Variants in SORBS2 observed in about 807,000 individuals in gnomAD.
SORBS2 encodes sorbin and SH3 domain containing 2, also known as sorbin and SH3 domain-containing protein 2.
SORBS2 carries 46 observed loss-of-function variants against 97.7 expected under a neutral mutation model. The observed-to-expected ratio is 0.47, with a 90% CI of 0.37 to 0.60. SORBS2 has a LOEUF of 0.60. Among genes scored for constraint, SORBS2 ranks in the 20% least tolerant of loss-of-function variants. The pLI, the probability that SORBS2 is intolerant of heterozygous loss-of-function variation, is 0.00. For missense variants in SORBS2, 1,316 were observed against 1,282.3 expected (o/e 1.03, Z -0.40); for synonymous variants, 476 against 473.4 (o/e 1.01, Z -0.07).
chr4:185,920,475 C>T (rs1200830870), intron 1 of SORBS2, among the ~76,000 whole-genome samples: 2 of 152,166 alleles, frequency 1.3e-5, no homozygotes, highest in Admixed American at 1.3e-4. Context: ...ACAGATCCTG[C>T]TTCATCTTGC....
At chr4:185,895,011 C>A (rs2099244330) in intron 1 of SORBS2, among the ~76,000 whole-genome samples, 1 of 152,188 alleles carries the variant, frequency 6.6e-6, no homozygotes, top group African/African-American at 2.4e-5. Flanking sequence ...GTTTTAATGA[C>A]CCCTTCATCT....
exon 7 of SORBS2, chr4:185,622,940 T>C: frequency 6.2e-7 from 1 of 1,612,406 alleles, no homozygotes; most frequent in Non-Finnish European, 8.5e-7. Context: ...ACGGTCTTGG[T>C]GGTGGCAGCT....
At chr4:185,765,788 T>A (rs1381463647) in intron 2 of SORBS2, among the ~76,000 whole-genome samples, 3 of 152,250 alleles carry the variant, frequency 2.0e-5, no homozygotes, top group African/African-American at 7.2e-5. Flanking sequence ...ATTTTATTAC[T>A]TTTTCCACAT....
In SORBS2 at chr4:185,864,499, C is replaced by A. The variant is rs115262971; in HGVS notation, c.-337-89133G>T. ...ACTATTACATTTGAAGATTTGAAAT[C>A]ATCACCACTATCACTATATTTGCTT... On this transcript the variant is annotated intron_variant, in intron 1 of 20. Transcript: ENST00000284776. Among the ~76,000 whole-genome samples the A allele has an allele frequency of 5.1e-3, 774 of 152,316 alleles. 7 individuals are homozygous for A. The highest frequency in any genetic ancestry group is 0.018 in the African/African-American group (736 of 41,570).
chr4:185,834,276 G>A (rs545299677), intron 1 of SORBS2, among the ~76,000 whole-genome samples: 1 of 152,154 alleles, frequency 6.6e-6, no homozygotes, highest in African/African-American at 2.4e-5. Context: ...ATCCGCCCCC[G>A]TGAGCCAATT....
chr4:185,858,908 AAC>A (rs2099222172), intron 1 of SORBS2, among the ~76,000 whole-genome samples: 1 of 152,246 alleles, frequency 6.6e-6, no homozygotes, highest in African/African-American at 2.4e-5. Context: ...GGAGATTTGC[AAC>A]AGTCTCTATT....
intron 1 of SORBS2, among the ~76,000 whole-genome samples, chr4:185,872,071 A>T (rs2099230720): frequency 6.6e-6 from 1 of 152,236 alleles, no homozygotes; most frequent in Non-Finnish European, 1.5e-5. Flanking sequence ...GTGTTATATT[A>T]AAAAATACAA....
intron 1 of SORBS2, among the ~76,000 whole-genome samples, chr4:185,653,898 C>A (rs2097354002): frequency 1.3e-5 from 2 of 152,120 alleles, no homozygotes; most frequent in African/African-American, 4.8e-5. Flanking sequence ...AGACAGATCT[C>A]GATTTAAAAA....
chr4:185,882,360 A>T (rs1356257786), intron 1 of SORBS2, among the ~76,000 whole-genome samples: 1 of 152,196 alleles, frequency 6.6e-6, no homozygotes, highest in Non-Finnish European at 1.5e-5. Flanking sequence ...TGAAAACAAA[A>T]TTCTTAGTAA....
chr4:185,657,119 C>T, upstream of SORBS2: 1 of 309,784 alleles, frequency 3.2e-6, no homozygotes, highest in Non-Finnish European at 5.4e-6. Flanking sequence ...CCTAAGCCTC[C>T]TTGGTAAAAG....
chr4:185,680,944 G>T (rs1381367035), intron 2 of SORBS2, among the ~76,000 whole-genome samples: 1 of 152,092 alleles, frequency 6.6e-6, no homozygotes, highest in African/African-American at 2.4e-5. Context: ...TGGGACACTG[G>T]GCCCAGGGAT....
At chr4:185,611,142 A>T (rs2096531462) in intron 12 of SORBS2, among the ~76,000 whole-genome samples, 1 of 152,118 alleles carries the variant, frequency 6.6e-6, no homozygotes, top group Admixed American at 6.5e-5. Flanking sequence ...AAACTTGAGG[A>T]CTTATAATAA....
chr4:185,819,820 T>C lies in SORBS2; in HGVS notation c.-337-44454A>G, dbSNP rs574172715. Among the ~76,000 whole-genome samples the C allele has an allele frequency of 2.0e-5, 3 of 152,320 alleles. No individual in the cohort carries two copies. In the South Asian group the frequency reaches 6.2e-4, roughly 32 times the overall value. On this transcript the variant is annotated intron_variant, in intron 1 of 20. Transcript: ENST00000284776. ...AAAGCATTGCCATCTCTCCTTATAC[T>C]GGTTTCATATCAATATCTCAAAGTA...
intron 1 of SORBS2, among the ~76,000 whole-genome samples, chr4:185,887,237 T>C (rs1266647997): frequency 8.5e-5 from 13 of 152,198 alleles, no homozygotes; most frequent in Admixed American, 8.5e-4. Context: ...AATATCACAT[T>C]TCTTTCTGTT....
chr4:185,943,041 A>T (rs1237526957), intron 1 of SORBS2, among the ~76,000 whole-genome samples: 3 of 152,240 alleles, frequency 2.0e-5, no homozygotes, highest in Admixed American at 2.0e-4. Flanking sequence ...ATTTTCTTTA[A>T]TGAAGGTGGT....
chr4:185,859,419 C>A (rs2099222407), intron 1 of SORBS2, among the ~76,000 whole-genome samples: 2 of 152,200 alleles, frequency 1.3e-5, no homozygotes, highest in African/African-American at 4.8e-5. Context: ...CCCTGCGTTT[C>A]CCACACTCTG....
At chr4:185,780,007 ATTT>A (rs538693770) in intron 1 of SORBS2, among the ~76,000 whole-genome samples, 3,298 of 97,932 alleles carry the variant, frequency 0.034, 91 homozygotes, top group African/African-American at 0.12. Context: ...GTAGAGTAAC[ATTT>A]TTTTTTTTTT....
At chr4:185,688,196 T>G (rs974143501) in intron 2 of SORBS2, among the ~76,000 whole-genome samples, 1 of 152,194 alleles carries the variant, frequency 6.6e-6, no homozygotes, top group Admixed American at 6.5e-5. Flanking sequence ...TTTAGACACT[T>G]TAGTATGAAA....
intron 1 of SORBS2, among the ~76,000 whole-genome samples, chr4:185,942,698 T>C (rs1276937964): frequency 6.6e-6 from 1 of 152,210 alleles, no homozygotes; most frequent in African/African-American, 2.4e-5. Context: ...TCCATGCTCT[T>C]ATTAGAACAA....
Sources: gnomAD v4.1 joint callset for allele counts (sites outside exome capture counted in the v4.1 genomes callset) on GRCh38, gnomAD v4.1.1 for gene constraint, MANE v1.5 for transcripts, NCBI Gene and HGNC (gene_info 2026-07-23, HGNC 2026-07-21) for gene names.